NRXN1: variants seen among roughly 807,000 people sequenced by gnomAD.
NRXN1 encodes neurexin-1.
In NRXN1, 39 loss-of-function variants were observed where a neutral mutation model predicts 150.9. The ratio of observed to expected loss-of-function variants is 0.26; its 90% CI spans 0.20 to 0.34. The LOEUF (loss-of-function observed/expected upper bound fraction) is 0.34, where lower values mean the gene tolerates loss of function less well. Among genes scored for constraint, NRXN1 ranks in the 10% least tolerant of loss-of-function variants. The pLI is 1.00. For missense variants in NRXN1, 1,815 were observed against 1,949.9 expected, an observed-to-expected ratio of 0.93 and a Z score of 1.30; for synonymous variants, 924 against 757.0, an observed-to-expected ratio of 1.22 and a Z score of -3.62.
intron 17 of NRXN1, among the ~76,000 whole-genome samples, chr2:50,287,329 A>G (rs1016215698): frequency 1.3e-5 from 2 of 152,148 alleles, no homozygotes; most frequent in African/African-American, 4.8e-5. Flanking sequence ...ATGGATTTTA[A>G]CATGCCATTA....
Position 50,829,476 on chromosome 2 carries a change from C to G in NRXN1, c.832+92393G>C, listed in dbSNP as rs1671075723. On this transcript the variant is annotated intron_variant, in intron 5 of 22. Transcript: ENST00000401669. ...GATGTAGCCTGACAGCAGGAGGGAG[C>G]CTATAATAATGAGAAAGGCGCGAAT... 1.9e-6 allele frequency: 3 copies of G among 1,571,582 alleles called. No individual in the cohort carries two copies. The African/African-American group carries it at 4.1e-5, about 21-fold the overall frequency.
At chr2:50,651,663 A>G (rs1281665181) in intron 5 of NRXN1, among the ~76,000 whole-genome samples, 1 of 151,938 alleles carries the variant, frequency 6.6e-6, no homozygotes, top group African/African-American at 2.4e-5. Context: ...TCTCAAAAAG[A>G]AAGAAAGAAA....
chr2:50,374,820 G>A (rs2080364528), intron 17 of NRXN1, among the ~76,000 whole-genome samples: 1 of 152,054 alleles, frequency 6.6e-6, no homozygotes. Flanking sequence ...ATTCCAGTTT[G>A]AATGCTTGCA....
chr2:50,423,217 T>C (rs2084141156), intron 17 of NRXN1, among the ~76,000 whole-genome samples: 1 of 152,206 alleles, frequency 6.6e-6, no homozygotes, highest in African/African-American at 2.4e-5. Flanking sequence ...TTCTTTCATC[T>C]GATTTATCTA....
At chr2:50,481,360 A>G (rs1025955516) in intron 15 of NRXN1, among the ~76,000 whole-genome samples, 1 of 152,260 alleles carries the variant, frequency 6.6e-6, no homozygotes, top group Non-Finnish European at 1.5e-5. Flanking sequence ...ACTCATCTGC[A>G]TAATAATGGA....
chr2:50,709,451 T>G (rs1237488969), intron 5 of NRXN1, among the ~76,000 whole-genome samples: 5 of 152,132 alleles, frequency 3.3e-5, no homozygotes, highest in Non-Finnish European at 7.4e-5. Context: ...CAGAAACGGC[T>G]TCTCAGAGGA....
chr2:50,613,305 C>G (rs891715162), intron 8 of NRXN1, among the ~76,000 whole-genome samples: 1 of 152,106 alleles, frequency 6.6e-6, no homozygotes, highest in African/African-American at 2.4e-5. Context: ...TCATTCAGCC[C>G]CAAGCCATCA....
At chr2:50,380,978 A>G (rs1034814076) in intron 17 of NRXN1, among the ~76,000 whole-genome samples, 2 of 152,110 alleles carry the variant, frequency 1.3e-5, no homozygotes, top group African/African-American at 4.8e-5. Context: ...TACTTCCTCT[A>G]TCATAGCAGC....
At chr2:50,602,503 A>C (rs1676439759) in intron 8 of NRXN1, among the ~76,000 whole-genome samples, 1 of 152,126 alleles carries the variant, frequency 6.6e-6, no homozygotes. Context: ...AGAATCAACA[A>C]TCACTTTCCA....
chr2:50,272,484 C>T (rs1016641134), intron 17 of NRXN1, among the ~76,000 whole-genome samples: 12 of 151,974 alleles, frequency 7.9e-5, no homozygotes, highest in Admixed American at 7.2e-4. Flanking sequence ...AAAATAAATA[C>T]CAAAAATTTT....
chr2:49,944,969 G>A (rs1672631323), intron 21 of NRXN1: 1 of 152,112 alleles, frequency 6.6e-6, no homozygotes, highest in Non-Finnish European at 1.5e-5. Context: ...AGAAAGTTGT[G>A]GCATTTTGAA....
chr2:51,006,400 TG>T (rs1024560205), intron 2 of NRXN1, among the ~76,000 whole-genome samples: 8 of 67,976 alleles, frequency 1.2e-4, no homozygotes, highest in African/African-American at 4.5e-4. Flanking sequence ...TGTTGTGGGG[TG>T]GGGGAAGGGG....
chr2:50,303,139 T>C (rs183685264), intron 17 of NRXN1, among the ~76,000 whole-genome samples: 1 of 152,292 alleles, frequency 6.6e-6, no homozygotes, highest in Admixed American at 6.5e-5. Flanking sequence ...TGGAGTAACA[T>C]AATCCACATT....
chr2:50,895,539 T>C (rs1292353868), intron 5 of NRXN1, among the ~76,000 whole-genome samples: 1 of 151,902 alleles, frequency 6.6e-6, no homozygotes, highest in Non-Finnish European at 1.5e-5. Flanking sequence ...GACAAAATAC[T>C]GCTTTGAGCT....
chr2:49,938,427 T>G (rs776389082), intron 22 of NRXN1, among the ~76,000 whole-genome samples: 2 of 152,216 alleles, frequency 1.3e-5, no homozygotes, highest in African/African-American at 4.8e-5. Flanking sequence ...ATTCCTCTGA[T>G]AGGCAATCAA....
chr2:50,114,506 G>A (rs1227320966), intron 18 of NRXN1, among the ~76,000 whole-genome samples: 1 of 152,060 alleles, frequency 6.6e-6, no homozygotes, highest in Non-Finnish European at 1.5e-5. Context: ...GAACTCCTTG[G>A]TATTTAACCA....
At position 50,347,960 on chromosome 2, in the gene NRXN1, C is replaced by A. The variant is rs747190957; in HGVS notation, c.3365-110990G>T. Among the ~76,000 whole-genome samples, 1 of 152,082 alleles carries A rather than the reference C, an allele frequency of 6.6e-6. No individual in the cohort carries two copies. Among genetic ancestry groups the A allele is most frequent in the Admixed American group, 6.5e-5 (1 of 15,274 alleles). ...TCAAAGGGACACGTGTAAGGCGAAA[C>A]GGGAACACCTAAAAAGCAACTCTCC... On this transcript the variant is annotated intron_variant, in intron 17 of 22. Transcript: ENST00000401669. This position sits in a 1 kb window ranked among gnomAD's most constrained non-coding sequence, Gnocchi z 4.9.
intron 2 of NRXN1, among the ~76,000 whole-genome samples, chr2:50,990,763 T>TAAA: frequency 6.6e-6 from 1 of 152,014 alleles, no homozygotes; most frequent in Non-Finnish European, 1.5e-5. Context: ...TCCCAGGAGC[T>TAAA]GTTTCCCAGA....
At chr2:50,741,119 A>T (rs376670867) in intron 5 of NRXN1, among the ~76,000 whole-genome samples, 6 of 152,144 alleles carry the variant, frequency 3.9e-5, no homozygotes, top group South Asian at 2.1e-4. Context: ...AATATTAATT[A>T]AAAAAAGATC....
Sources: allele counts gnomAD v4.1 joint callset (sites outside exome capture counted in the v4.1 genomes callset), GRCh38; gene constraint gnomAD v4.1.1; non-coding constraint Gnocchi (gnomAD v3.1); transcripts MANE v1.5; gene names NCBI Gene and HGNC (gene_info 2026-07-23, HGNC 2026-07-21).